Variants in STRN observed in about 807,000 individuals in gnomAD.
The protein encoded by STRN is striatin.
STRN carries 53 observed loss-of-function variants against 96.3 expected under a neutral mutation model. The ratio of observed to expected loss-of-function variants is 0.55; its 90% confidence interval spans 0.44 to 0.69. The LOEUF is 0.69. Among genes scored for constraint, STRN ranks in the 30% least tolerant of loss-of-function variants. The pLI is 0.00. For missense variants in STRN, 987 were observed against 963.9 expected (o/e 1.02, Z -0.32); for synonymous variants, 428 against 355.9 (o/e 1.20, Z -2.28).
chr2:36,862,167 A>C (rs2540932), intron 12 of STRN, among the ~76,000 whole-genome samples: 144,449 of 152,256 alleles, frequency 0.95, 68,991 homozygotes, highest in East Asian at 1. Flanking sequence ...CAGTTTACCG[A>C]TGATGGGCAT....
At chr2:36,895,694 G>A (rs879854311) in intron 6 of STRN, among the ~76,000 whole-genome samples, 1 of 150,888 alleles carries the variant, frequency 6.6e-6, no homozygotes, top group Non-Finnish European at 1.5e-5. Flanking sequence ...GGTGGATCAC[G>A]AGGTCAGGAG....
intron 1 of STRN, among the ~76,000 whole-genome samples, chr2:36,938,578 G>A (rs925790088): frequency 3.3e-5 from 5 of 152,160 alleles, no homozygotes; most frequent in African/African-American, 7.2e-5. Context: ...CCCAACTGGT[G>A]TTTGCTATTT....
At chr2:36,873,941 C>A (rs1306084594) in intron 10 of STRN, among the ~76,000 whole-genome samples, 1 of 137,962 alleles carries the variant, frequency 7.2e-6, no homozygotes, top group African/African-American at 2.7e-5. Flanking sequence ...GACTCCGCCT[C>A]AAAAAAAAAA....
chr2:36,952,963 C>G (rs1206234734), intron 1 of STRN, among the ~76,000 whole-genome samples: 1 of 152,176 alleles, frequency 6.6e-6, no homozygotes, highest in Non-Finnish European at 1.5e-5. Context: ...AGGAACAAAT[C>G]CCAGAATGGG....
rs1667934058 is a variant in STRN, at chr2:36,840,836, T to C, written c.*8620A>G. ...AAGATATTCAGAAAAAAAATCTCAT[T>C]ACCTGCTCCTCATGCCTCAAAAAAA... On this transcript the variant is annotated 3_prime_UTR_variant, in exon 18 of 18. Coordinates refer to ENST00000263918, the MANE Select transcript of STRN (RefSeq NM_003162.4). 1 of 152,180 alleles carries C rather than the reference T, an allele frequency of 6.6e-6. No individual in the cohort carries two copies. The highest frequency in any genetic ancestry group is 1.5e-5 in the Non-Finnish European group (1 of 68,028). 9.4% of individuals were successfully genotyped at this position (152,180 alleles called of 1,614,324 possible).
chr2:36,844,420 G>A lies in STRN; in HGVS notation c.*5036C>T, dbSNP rs1668017312. Reference sequence around the variant, plus strand: ...AGCTAACTAACACCCACCCAGGGGGGAAAAATCATTCTACATTAACAAGGC... The same window carrying A: ...AGCTAACTAACACCCACCCAGGGGGAAAAAATCATTCTACATTAACAAGGC... On this transcript the variant is annotated 3_prime_UTR_variant, in exon 18 of 18. Transcript: ENST00000263918. 1 of 152,202 alleles carries A rather than the reference G, an allele frequency of 6.6e-6. No homozygotes were observed. 9.4% of individuals were successfully genotyped at this position (152,202 alleles called of 1,614,324 possible).
intron 10 of STRN, among the ~76,000 whole-genome samples, chr2:36,871,446 G>A (rs574924644): frequency 6.6e-6 from 1 of 152,126 alleles, no homozygotes; most frequent in Non-Finnish European, 1.5e-5. Context: ...ATGCTGTATA[G>A]ATTTGTAAAG....
At chr2:36,867,919 CAT>C (rs2148147646) in intron 11 of STRN, 58 bp from the exon 12 acceptor site, 3 of 1,325,052 alleles carry the variant, frequency 2.3e-6, no homozygotes, top group Non-Finnish European at 3.1e-6. Flanking sequence ...TATAATTAAA[CAT>C]ATGTCATAAA....
intron 10 of STRN, among the ~76,000 whole-genome samples, chr2:36,875,840 G>A (rs1346304458): frequency 1.3e-5 from 2 of 152,092 alleles, no homozygotes; most frequent in Non-Finnish European, 2.9e-5. Context: ...TGTATTTTTA[G>A]TAGAGACAGG....
At chr2:36,922,146 G>C (rs915505673) in intron 2 of STRN, among the ~76,000 whole-genome samples, 4 of 152,070 alleles carry the variant, frequency 2.6e-5, no homozygotes, top group Non-Finnish European at 5.9e-5. Flanking sequence ...AGCAAATATA[G>C]CAAATCATTT....
intron 6 of STRN, among the ~76,000 whole-genome samples, chr2:36,897,682 C>T (rs926952517): frequency 1.3e-5 from 2 of 151,916 alleles, no homozygotes; most frequent in Non-Finnish European, 2.9e-5. Context: ...AGTGATCCAT[C>T]CGTCTCGGCC....
intron 12 of STRN, among the ~76,000 whole-genome samples, chr2:36,863,703 T>G (rs1251415207): frequency 6.6e-6 from 1 of 152,374 alleles, no homozygotes; most frequent in East Asian, 1.9e-4. Context: ...AGAATGTCAT[T>G]GGTAGTTTGA....
chr2:36,851,946 TTG>T (rs1251395808), intron 15 of STRN, among the ~76,000 whole-genome samples: 1 of 152,244 alleles, frequency 6.6e-6, no homozygotes, highest in Non-Finnish European at 1.5e-5. Context: ...ACTGTATTTT[TTG>T]TGTTAGTAAG....
chr2:36,958,843 G>A lies in STRN; in HGVS notation c.234+7387C>T, dbSNP rs538662031. Among the ~76,000 whole-genome samples the A allele has an allele frequency of 2.0e-5, 3 of 152,340 alleles. No homozygotes were observed. The South Asian group carries it at 6.2e-4, about 32-fold the overall frequency. ...AACAAAATAAAAAGAAATATAGGCT[G>A]GGTGTGGTAGCTCACGCCTCTAATC... is the stretch of plus-strand genomic sequence containing the variant. On this transcript the variant is annotated intron_variant, in intron 1 of 17. Transcript: ENST00000263918.
intron 2 of STRN, among the ~76,000 whole-genome samples, chr2:36,919,527 A>C (rs533712451): frequency 6.6e-6 from 1 of 152,312 alleles, no homozygotes; most frequent in Non-Finnish European, 1.5e-5. Flanking sequence ...AGACAGAATA[A>C]TTACACCCAA....
chr2:36,839,805 G>T lies in STRN; in HGVS notation c.*9651C>A, dbSNP rs1376372946. On this transcript the variant is annotated 3_prime_UTR_variant, in exon 18 of 18. Transcript: ENST00000263918. ...TCGTTGAATATTTCATATGTAATTTGCTGATTCTTTTAATGATTTAAAGTC... is the reference window on the plus strand; with the variant it reads ...TCGTTGAATATTTCATATGTAATTTTCTGATTCTTTTAATGATTTAAAGTC... The T allele has an allele frequency of 6.6e-6, 1 of 152,092 alleles. No individual in the cohort carries two copies. The highest frequency in any genetic ancestry group is 2.4e-5 in the African/African-American group (1 of 41,416). 9.4% of individuals were successfully genotyped at this position (152,092 alleles called of 1,614,324 possible).
chr2:36,856,039 C>A (rs1258771273), intron 14 of STRN, among the ~76,000 whole-genome samples: 1 of 152,028 alleles, frequency 6.6e-6, no homozygotes. Context: ...AGAAGATACA[C>A]AAATAACCAA....
At chr2:36,878,880 G>T (rs1230534694) in intron 9 of STRN, among the ~76,000 whole-genome samples, 2 of 151,698 alleles carry the variant, frequency 1.3e-5, no homozygotes, top group African/African-American at 4.9e-5. Flanking sequence ...AGCCTCCCGA[G>T]TAGCTGGGAT....
chr2:36,952,814 G>A (rs1399722363), intron 1 of STRN, among the ~76,000 whole-genome samples: 1 of 152,208 alleles, frequency 6.6e-6, no homozygotes, highest in Non-Finnish European at 1.5e-5. Flanking sequence ...CGCTGACCCA[G>A]ATCACAGGCT....
Sources: allele counts gnomAD v4.1 joint callset (sites outside exome capture counted in the v4.1 genomes callset), GRCh38; gene constraint gnomAD v4.1.1; transcripts MANE v1.5; gene names NCBI Gene and HGNC (gene_info 2026-07-23, HGNC 2026-07-21).